The following IFT80 variants were observed in gnomAD, a reference collection of about 807,000 sequenced individuals.
The protein encoded by IFT80 is intraflagellar transport 80.
IFT80 carries 79 observed loss-of-function variants against 107.9 expected under a neutral mutation model. The observed-to-expected ratio is 0.73, with a 90% CI of 0.61 to 0.88. The LOEUF (loss-of-function observed/expected upper bound fraction) is 0.88. Among genes scored for constraint, IFT80 ranks in the 40% least tolerant of loss-of-function variants. IFT80 has a pLI of 0.00. For missense variants in IFT80, 797 were observed against 914.2 expected (o/e 0.87, Z 1.65); for synonymous variants, 299 against 300.9 (o/e 0.99, Z 0.07).
rs1302753011 is a variant in IFT80, at chr3:160,277,357, C to A, written c.2048G>T (p.Gly683Val). 2.0e-5 allele frequency: 32 copies of A among 1,613,432 alleles called. No homozygotes were observed. Among genetic ancestry groups the A allele is most frequent in the Non-Finnish European group, 2.7e-5 (32 of 1,179,836 alleles). The stretch of plus-strand genomic sequence containing the variant: ...GATCTGGATTGCTTGATAAACAAGG[C>A]CAGCCTGAAGAAGTACTATTTCAGC... ...QEAEIVLLQA[G>V]LVYQAIQINI... The change falls in exon 18 of 20, where the codon GGC becomes GTC. Residue 683 changes from glycine (G) to valine (V), a missense_variant. By Grantham distance (109) the Gly-to-Val change is moderately radical. Transcript: ENST00000326448.
intron 10 of IFT80, among the ~76,000 whole-genome samples, chr3:160,304,435 C>CT (rs869204306): frequency 0.16 from 20,548 of 129,160 alleles, 2,071 homozygotes; most frequent in Non-Finnish European, 0.23. Context: ...TTGATTTTTT[C>CT]TTTTTTTTTT....
intron 2 of IFT80, chr3:160,383,530 G>C: frequency 1.3e-6 from 1 of 769,772 alleles, no homozygotes; most frequent in Non-Finnish European, 1.6e-6. Flanking sequence ...ATTGCATATG[G>C]ATATTTCGTA....
intron 1 of IFT80, among the ~76,000 whole-genome samples, chr3:160,386,807 G>A (rs1460008288): frequency 6.6e-6 from 1 of 152,176 alleles, no homozygotes; most frequent in Non-Finnish European, 1.5e-5. Context: ...GAATATGAAG[G>A]CCAGTATGCC....
Position 160,301,777 on chromosome 3 carries a change from A to T in IFT80, c.1152-731T>A, listed in dbSNP as rs75208421. On this transcript the variant is annotated intron_variant, in intron 11 of 19. Coordinates refer to ENST00000326448, the MANE Select transcript of IFT80 (RefSeq NM_020800.3). ...TTTGAAAATTTATGAATATTGTACAAAATAATTCAAGCAATACAGAGAAAA... is the reference window on the plus strand; with the variant it reads ...TTTGAAAATTTATGAATATTGTACATAATAATTCAAGCAATACAGAGAAAA... Among the ~76,000 whole-genome samples the T allele has an allele frequency of 7.0e-3, 1,058 of 152,072 alleles. 11 individuals carry two copies. The highest frequency in any genetic ancestry group is 0.024 in the African/African-American group (989 of 41,540).
In IFT80 at chr3:160,258,341, A is replaced by G; in HGVS notation, c.*184T>C. 2 of 732,888 alleles carry G rather than the reference A, an allele frequency of 2.7e-6. No individual in the cohort carries two copies. The highest frequency in any genetic ancestry group is 4.4e-6 in the Non-Finnish European group (2 of 455,754). 45.4% of individuals were successfully genotyped at this position (732,888 alleles called of 1,614,324 possible). ...TAATTATTGGACTAAAAAATATAAAAGATAGAAATACATCAATTACTTTGT... is the reference window on the plus strand; with the variant it reads ...TAATTATTGGACTAAAAAATATAAAGGATAGAAATACATCAATTACTTTGT... On this transcript the variant is annotated 3_prime_UTR_variant, in exon 20 of 20. Transcript: ENST00000326448.
At chr3:160,287,877 T>G (rs1167029620) in intron 12 of IFT80, among the ~76,000 whole-genome samples, 1 of 152,172 alleles carries the variant, frequency 6.6e-6, no homozygotes, top group South Asian at 2.1e-4. Context: ...GATATTGGAT[T>G]CTTGCCAGTT....
At chr3:160,323,924 C>A (rs984890740) in intron 8 of IFT80, among the ~76,000 whole-genome samples, 8 of 151,832 alleles carry the variant, frequency 5.3e-5, no homozygotes, top group African/African-American at 1.9e-4. Context: ...CAAATAGATA[C>A]AATAAAAAAT....
chr3:160,280,547 C>A (rs1714606188), intron 15 of IFT80, 120 bp downstream of exon 15: 1 of 787,714 alleles, frequency 1.3e-6, no homozygotes, highest in Non-Finnish European at 2.1e-6. Flanking sequence ...ACAATTTATT[C>A]ATCAATAAAT....
intron 19 of IFT80, among the ~76,000 whole-genome samples, chr3:160,259,994 A>G (rs893712321): frequency 1.3e-5 from 2 of 152,198 alleles, no homozygotes; most frequent in Non-Finnish European, 2.9e-5. Context: ...GATTTAGCTT[A>G]AGTAAGTGAG....
At chr3:160,307,611 C>T (rs1188730009) in intron 10 of IFT80, 52 bp downstream of exon 10, 2 of 987,104 alleles carry the variant, frequency 2.0e-6, no homozygotes, top group African/African-American at 3.2e-5. Flanking sequence ...AAATAAACTC[C>T]TCAGCACAGA....
chr3:160,308,072 A>G (rs1267267721), intron 9 of IFT80, among the ~76,000 whole-genome samples: 1 of 152,208 alleles, frequency 6.6e-6, no homozygotes, highest in Non-Finnish European at 1.5e-5. Context: ...TATAAAAAAT[A>G]TTCCAACACT....
At chr3:160,350,407 C>T (rs1720593474) in intron 8 of IFT80, among the ~76,000 whole-genome samples, 2 of 117,080 alleles carry the variant, frequency 1.7e-5, no homozygotes, top group South Asian at 2.7e-4. Flanking sequence ...CAGAGCAAGA[C>T]TCTGTCTCAA....
chr3:160,341,897 C>T (rs1443453249), intron 8 of IFT80, among the ~76,000 whole-genome samples: 1 of 152,130 alleles, frequency 6.6e-6, no homozygotes, highest in East Asian at 1.9e-4. Context: ...ATCCTTATAA[C>T]CAATTCTCCT....
At chr3:160,266,346 C>A (rs1713320535) in intron 19 of IFT80, among the ~76,000 whole-genome samples, 1 of 148,546 alleles carries the variant, frequency 6.7e-6, no homozygotes. Flanking sequence ...TCCTCCCCCC[C>A]CCTTCTTTCC....
chr3:160,327,954 A>G (rs1718793514), intron 8 of IFT80, among the ~76,000 whole-genome samples: 1 of 152,242 alleles, frequency 6.6e-6, no homozygotes, highest in Non-Finnish European at 1.5e-5. Flanking sequence ...CAAAGGTCTA[A>G]TATACAGCAT....
At chr3:160,300,251 C>G (rs1011568941) in intron 12 of IFT80, among the ~76,000 whole-genome samples, 1 of 152,030 alleles carries the variant, frequency 6.6e-6, no homozygotes, top group Non-Finnish European at 1.5e-5. Context: ...TCCTGAACTT[C>G]TAGACAAGTA....
rs147475550 is a variant in IFT80, at chr3:160,398,414, G to T, written c.-47+732C>A. Among the ~76,000 whole-genome samples the T allele has an allele frequency of 2.3e-3, 356 of 152,308 alleles. 4 individuals carry two copies. The highest frequency in any genetic ancestry group is 7.9e-3 in the African/African-American group (329 of 41,558). ...GCAAAAGTTAAAGAAAAAAAAAGGA[G>T]GCTAGTAGTTCTCAATGTCAAGTAC... On this transcript the variant is annotated intron_variant, in intron 1 of 19. Transcript: ENST00000326448.
At chr3:160,364,845 C>A (rs1053494019) in intron 6 of IFT80, among the ~76,000 whole-genome samples, 1 of 151,734 alleles carries the variant, frequency 6.6e-6, no homozygotes, top group Non-Finnish European at 1.5e-5. Context: ...CACACCAGGG[C>A]CTGTCGTAAG....
chr3:160,364,430 G>T (rs1721715636), intron 6 of IFT80, among the ~76,000 whole-genome samples: 1 of 152,170 alleles, frequency 6.6e-6, no homozygotes. Flanking sequence ...CAACCACTGT[G>T]GAAGACAGGG....
Sources: allele counts gnomAD v4.1 joint callset (sites outside exome capture counted in the v4.1 genomes callset), GRCh38; gene constraint gnomAD v4.1.1; transcripts MANE v1.5; gene names NCBI Gene and HGNC (gene_info 2026-07-23, HGNC 2026-07-21).